The following RIMBP2 variants were observed in gnomAD, a reference collection of about 807,000 sequenced individuals.
The protein encoded by RIMBP2 is RIMS binding protein 2, also known as RIMS-binding protein 2.
In RIMBP2, 48 loss-of-function variants were observed where a neutral mutation model predicts 118.6. The ratio of observed to expected loss-of-function variants is 0.40; its 90% confidence interval spans 0.32 to 0.51. The LOEUF (loss-of-function observed/expected upper bound fraction) is 0.51, where lower values mean the gene tolerates loss of function less well. Among genes scored for constraint, RIMBP2 ranks in the 20% least tolerant of loss-of-function variants. RIMBP2 has a pLI of 0.41. For missense variants in RIMBP2, 1,551 were observed against 1,768.3 expected (o/e 0.88, Z 2.20); for synonymous variants, 762 against 742.9 (o/e 1.03, Z -0.42).
At chr12:130,490,174 G>A (rs2048509658) in intron 4 of RIMBP2, among the ~76,000 whole-genome samples, 1 of 150,584 alleles carries the variant, frequency 6.6e-6, no homozygotes, top group Non-Finnish European at 1.5e-5. Flanking sequence ...AAGTAATGTT[G>A]AGGGGGTTGT....
intron 2 of RIMBP2, among the ~76,000 whole-genome samples, chr12:130,559,414 C>T (rs1407987529): frequency 1.3e-5 from 2 of 152,074 alleles, no homozygotes; most frequent in African/African-American, 2.4e-5. Context: ...GATCACGTGC[C>T]GTTTGTCTTT....
At chr12:130,608,590 G>A (rs1005842789) in intron 2 of RIMBP2, among the ~76,000 whole-genome samples, 2 of 152,166 alleles carry the variant, frequency 1.3e-5, no homozygotes, top group East Asian at 1.9e-4. Flanking sequence ...GGGGGAGGTG[G>A]GCAGTGGGGA....
chr12:130,506,721 C>G lies in RIMBP2; in HGVS notation c.-77G>C. The G allele has an allele frequency of 3.0e-6, 3 of 985,784 alleles. No homozygotes were observed. The highest frequency in any genetic ancestry group is 2.4e-6 in the Non-Finnish European group (2 of 829,966). The allele number at this position is 985,784 out of a possible 1,614,324, so 61.1% of individuals were successfully genotyped here. A position where few individuals can be genotyped will look rare whatever the true frequency, so the allele number is the denominator to read the frequency against. ...CTCCTTCACGGCCAAATCGCGCTCT[C>G]TGGTCACGAGGGTGAGCGGATGGTT... On this transcript the variant is annotated 5_prime_UTR_variant, in exon 4 of 23. Transcript: ENST00000690449.
chr12:130,522,870 A>C (rs553398013), intron 2 of RIMBP2, among the ~76,000 whole-genome samples: 1 of 152,254 alleles, frequency 6.6e-6, no homozygotes, highest in Admixed American at 6.5e-5. Flanking sequence ...GAGGTAAGGA[A>C]GGTTACATGA....
chr12:130,699,538 T>C (rs1210770421), intron 1 of RIMBP2, among the ~76,000 whole-genome samples: 1 of 119,368 alleles, frequency 8.4e-6, no homozygotes, highest in Non-Finnish European at 1.6e-5. Flanking sequence ...TGAGAACACA[T>C]GGACACAGGA....
intron 1 of RIMBP2, among the ~76,000 whole-genome samples, chr12:130,689,389 C>G (rs147838511): frequency 1.7e-4 from 26 of 152,162 alleles, no homozygotes; most frequent in Non-Finnish European, 2.5e-4. Context: ...GCCAAGATCG[C>G]TCCATGGCAC....
intron 2 of RIMBP2, among the ~76,000 whole-genome samples, chr12:130,549,278 G>T (rs2055497369): frequency 6.6e-6 from 1 of 152,138 alleles, no homozygotes; most frequent in Admixed American, 6.5e-5. Flanking sequence ...CCCATCCCGG[G>T]GGAATGATAC....
rs1034674215 is a variant in RIMBP2 at position 130,470,794 on chromosome 12, A to C, written c.103-51T>G. 8.3e-6 allele frequency: 9 copies of C among 1,086,038 alleles called. No homozygotes were observed. In the African/African-American group the frequency reaches 9.7e-5, roughly 12 times the overall value. The allele number at this position is 1,086,038 out of a possible 1,614,324, so 67.3% of individuals were successfully genotyped here. On this transcript the variant is annotated intron_variant, in intron 5 of 22. Coordinates refer to ENST00000690449, the MANE Select transcript of RIMBP2 (RefSeq NM_001393629.1). The stretch of plus-strand genomic sequence containing the variant: ...AGAGTAAATGTCCAAAGGGGAAAGA[A>C]GACAATCGGATCAATGTCTGAATCA...
intron 3 of RIMBP2, among the ~76,000 whole-genome samples, chr12:130,508,113 G>T (rs1010808339): frequency 3.9e-5 from 6 of 152,134 alleles, no homozygotes; most frequent in Non-Finnish European, 1.5e-5. Flanking sequence ...CGACCTATTT[G>T]AATTAAACCA....
At chr12:130,647,155 G>C (rs1566424478) in intron 1 of RIMBP2, among the ~76,000 whole-genome samples, 1 of 152,176 alleles carries the variant, frequency 6.6e-6, no homozygotes, top group Non-Finnish European at 1.5e-5. Flanking sequence ...AAAGCTAATA[G>C]TATTCAAGAC....
intron 2 of RIMBP2, among the ~76,000 whole-genome samples, chr12:130,565,223 T>C (rs1593820059): frequency 6.6e-6 from 1 of 152,338 alleles, no homozygotes; most frequent in East Asian, 1.9e-4. Flanking sequence ...CAGATGCCTA[T>C]TATTTAAAAT....
chr12:130,619,510 C>T (rs377205821), intron 2 of RIMBP2, among the ~76,000 whole-genome samples: 1 of 152,182 alleles, frequency 6.6e-6, no homozygotes, highest in East Asian at 1.9e-4. Context: ...ATGTGAGTCA[C>T]CCATGCTAAA....
rs2064151044 is a variant in RIMBP2, at chr12:130,670,583, AC to A, written c.-351-42128del. On this transcript the variant is annotated intron_variant, in intron 1 of 22. Transcript: ENST00000690449. This position sits in a 1 kb window ranked among gnomAD's most constrained non-coding sequence, Gnocchi z 4.9. ...AACATAAAGTTTACACTTGTTCAGC[AC>A]CATGAAGCCGCCAGTCCGACACCCA... Among the ~76,000 whole-genome samples the A allele has an allele frequency of 6.6e-6, 1 of 151,994 alleles. No individual in the cohort carries two copies. The highest frequency in any genetic ancestry group is 2.1e-4 in the South Asian group (1 of 4,816).
chr12:130,699,799 G>A (rs1290578424), intron 1 of RIMBP2, among the ~76,000 whole-genome samples: 6 of 150,786 alleles, frequency 4.0e-5, no homozygotes, highest in East Asian at 3.9e-4. Context: ...CCAGCTACTC[G>A]GGAGGCTGAG....
chr12:130,596,663 G>A (rs1192941223), intron 2 of RIMBP2, among the ~76,000 whole-genome samples: 2 of 152,230 alleles, frequency 1.3e-5, no homozygotes, highest in Non-Finnish European at 2.9e-5. Flanking sequence ...ATGGGACACA[G>A]TAAGTGCTCG....
At chr12:130,401,340 T>A (rs899612592) in intron 21 of RIMBP2, among the ~76,000 whole-genome samples, 3 of 152,124 alleles carry the variant, frequency 2.0e-5, no homozygotes, top group Non-Finnish European at 4.4e-5. Flanking sequence ...GGTCTCGAAC[T>A]CCTGACCTCA....
Position 130,420,598 on chromosome 12 carries a change from A to T in RIMBP2, c.3238+1855T>A, listed in dbSNP as rs529568750. Among the ~76,000 whole-genome samples the T allele has an allele frequency of 2.6e-4, 39 of 151,110 alleles. No homozygotes were observed. In the East Asian group the frequency reaches 3.5e-3, roughly 14 times the overall value. The stretch of plus-strand genomic sequence containing the variant: ...TCTCACTGCTGATGAATGCAGTTTT[A>T]AAAAAAAAGTCTCAACAATATACAG... On this transcript the variant is annotated intron_variant, in intron 17 of 22. Transcript: ENST00000690449. This position sits in a 1 kb window ranked among gnomAD's most constrained non-coding sequence, Gnocchi z 4.3.
At chr12:130,615,174 A>AAT (rs958073812) in intron 2 of RIMBP2, among the ~76,000 whole-genome samples, 4 of 146,596 alleles carry the variant, frequency 2.7e-5, no homozygotes, top group African/African-American at 7.5e-5. Context: ...TATATTATAT[A>AAT]ATATATATAT....
At chr12:130,526,998 A>G (rs906525152) in intron 2 of RIMBP2, among the ~76,000 whole-genome samples, 2 of 152,068 alleles carry the variant, frequency 1.3e-5, no homozygotes, top group African/African-American at 4.8e-5. Context: ...GTGGAAGGCG[A>G]GTGGTTGCTG....
Sources: gnomAD v4.1 joint callset for allele counts (sites outside exome capture counted in the v4.1 genomes callset) on GRCh38, gnomAD v4.1.1 for gene constraint, Gnocchi (gnomAD v3.1) non-coding constraint, MANE v1.5 for transcripts, NCBI Gene and HGNC (gene_info 2026-07-23, HGNC 2026-07-21) for gene names.